Variants in FYN observed in about 807,000 individuals in gnomAD.
FYN encodes the protein FYN proto-oncogene, Src family tyrosine kinase.
Under a neutral mutation model 70.2 loss-of-function variants are expected in FYN, and 10 were observed. The observed-to-expected ratio is 0.14, with a 90% CI of 0.09 to 0.24. FYN has a LOEUF of 0.24. Ranked by LOEUF, FYN falls within the 10% of genes least tolerant of loss-of-function variation. The probability of loss-of-function intolerance (pLI) is 1.00; values close to 1 mark genes in which losing one functional copy is unlikely to be tolerated. For missense variants in FYN, 319 were observed against 673.1 expected (o/e 0.47, Z 5.82); for synonymous variants, 236 against 248.6 (o/e 0.95, Z 0.48).
At chr6:111,844,565 A>T (rs1773461876) in intron 2 of FYN, among the ~76,000 whole-genome samples, 1 of 152,266 alleles carries the variant, frequency 6.6e-6, no homozygotes, top group Non-Finnish European at 1.5e-5. Flanking sequence ...TTTTCAGGTC[A>T]TCAACTACTT....
chr6:111,718,742 A>C (rs1472912061), intron 4 of FYN, among the ~76,000 whole-genome samples: 1 of 152,196 alleles, frequency 6.6e-6, no homozygotes, highest in Non-Finnish European at 1.5e-5. Flanking sequence ...CACGTATTCA[A>C]CCCATGCAAG....
intron 3 of FYN, among the ~76,000 whole-genome samples, chr6:111,722,957 G>T (rs887019675): frequency 2.0e-5 from 3 of 152,192 alleles, no homozygotes; most frequent in African/African-American, 7.2e-5. Flanking sequence ...AGGCGAACAG[G>T]CATGTTAGGT....
chr6:111,802,908 C>T (rs1344785239), intron 2 of FYN, among the ~76,000 whole-genome samples: 1 of 152,104 alleles, frequency 6.6e-6, no homozygotes, highest in Admixed American at 6.6e-5. Flanking sequence ...CTTAAATAAA[C>T]TGGGAAAAAG....
intron 6 of FYN, 109 bp downstream of exon 6, chr6:111,707,813 T>TA: frequency 1.2e-6 from 1 of 828,268 alleles, no homozygotes; most frequent in South Asian, 1.5e-5. Context: ...AACTCAGCCT[T>TA]AATCACTGCT....
At position 111,661,613 on chromosome 6, in the gene FYN, C is replaced by CAG; in HGVS notation, c.*124_*125dup. ...GAGGGCCATGGAAGTTCGTCAGCTT[C>CAG]AGAGTCACATGCAATCTGATCCTGG... On this transcript the variant is annotated 3_prime_UTR_variant, in exon 14 of 14. Transcript: ENST00000354650. This position sits in a 1 kb window ranked among gnomAD's most constrained non-coding sequence, Gnocchi z 4.0. 1.2e-6 allele frequency: 1 copy of CAG among 866,620 alleles called. No individual in the cohort carries two copies. The highest frequency in any genetic ancestry group is 1.8e-6 in the Non-Finnish European group (1 of 551,270). The allele number at this position is 866,620 out of a possible 1,614,324, so 53.7% of individuals were successfully genotyped here. A position where few individuals can be genotyped will look rare whatever the true frequency, so the allele number is the denominator to read the frequency against.
chr6:111,796,438 CAT>C (rs979994183), intron 2 of FYN, among the ~76,000 whole-genome samples: 10 of 152,056 alleles, frequency 6.6e-5, no homozygotes, highest in African/African-American at 2.4e-4. Context: ...TGGGCTATAC[CAT>C]AGAGACTAGG....
intron 1 of FYN, among the ~76,000 whole-genome samples, chr6:111,864,098 C>CTAT (rs1774039383): frequency 6.6e-6 from 1 of 152,150 alleles, no homozygotes; most frequent in Non-Finnish European, 1.5e-5. Flanking sequence ...TCTTATTATG[C>CTAT]GATAAGACCT....
chr6:111,871,644 T>C (rs72944244), intron 1 of FYN, among the ~76,000 whole-genome samples: 14,187 of 152,254 alleles, frequency 0.093, 733 homozygotes, highest in Middle Eastern at 0.15. Flanking sequence ...GCCTCCCTCT[T>C]ATCAAATAAC....
chr6:111,672,204 C>A (rs374504421), intron 13 of FYN, among the ~76,000 whole-genome samples: 8 of 152,204 alleles, frequency 5.3e-5, no homozygotes, highest in African/African-American at 1.9e-4. Context: ...TGCCTTCCCA[C>A]GTGCCAGACC....
At chr6:111,769,225 A>T (rs1230532694) in intron 3 of FYN, among the ~76,000 whole-genome samples, 1 of 152,216 alleles carries the variant, frequency 6.6e-6, no homozygotes, top group African/African-American at 2.4e-5. Flanking sequence ...ATATCAAAAA[A>T]CATGATCTCC....
At chr6:111,852,525 T>C (rs1773712405) in intron 1 of FYN, among the ~76,000 whole-genome samples, 1 of 152,084 alleles carries the variant, frequency 6.6e-6, no homozygotes. Context: ...TTAAGAAGAG[T>C]ACATCCTTTA....
At chr6:111,710,345 T>C (rs899447851) in intron 5 of FYN, among the ~76,000 whole-genome samples, 1 of 152,244 alleles carries the variant, frequency 6.6e-6, no homozygotes, top group Admixed American at 6.5e-5. Flanking sequence ...CCCAGCCTTA[T>C]TCAGGTGATC....
chr6:111,699,911 A>ATTT (rs1799753109), intron 9 of FYN, 193 bp downstream of exon 9: 4 of 500,162 alleles, frequency 8.0e-6, no homozygotes, highest in Admixed American at 4.1e-5. Context: ...CCCACTTACT[A>ATTT]TCTTTTTTTT....
At chr6:111,765,871 C>A (rs1256655813) in intron 3 of FYN, among the ~76,000 whole-genome samples, 1 of 151,932 alleles carries the variant, frequency 6.6e-6, no homozygotes, top group Non-Finnish European at 1.5e-5. Context: ...GTGTTCAAAG[C>A]CCTCCAAGGG....
chr6:111,780,739 C>T (rs897081710), intron 2 of FYN, 104 bp from the exon 3 acceptor site: 5 of 152,252 alleles, frequency 3.3e-5, no homozygotes, highest in African/African-American at 9.6e-5. Flanking sequence ...TCCTCTGCTT[C>T]GGGCACCCAT....
At chr6:111,766,701 G>A (rs1336580393) in intron 3 of FYN, among the ~76,000 whole-genome samples, 1 of 152,130 alleles carries the variant, frequency 6.6e-6, no homozygotes, top group African/African-American at 2.4e-5. Flanking sequence ...CAAGCAAAGA[G>A]GGAAAAGCCC....
chr6:111,739,529 T>G (rs1221732656), intron 3 of FYN, among the ~76,000 whole-genome samples: 2 of 152,218 alleles, frequency 1.3e-5, no homozygotes, highest in Non-Finnish European at 2.9e-5. Context: ...GCCCCGCCGC[T>G]GGGCAGTTCA....
intron 2 of FYN, among the ~76,000 whole-genome samples, chr6:111,822,988 T>A (rs1264746380): frequency 6.6e-6 from 1 of 151,628 alleles, no homozygotes; most frequent in Non-Finnish European, 1.5e-5. Flanking sequence ...AAAAACGGGG[T>A]GTAAGGGGAT....
chr6:111,672,713 A>G (rs1021325984), intron 13 of FYN, among the ~76,000 whole-genome samples: 4 of 152,258 alleles, frequency 2.6e-5, no homozygotes, highest in African/African-American at 9.6e-5. Context: ...TGAGGCAGGT[A>G]CTAATCAAGG....
Sources: gnomAD v4.1 joint callset for allele counts (sites outside exome capture counted in the v4.1 genomes callset) on GRCh38, gnomAD v4.1.1 for gene constraint, Gnocchi (gnomAD v3.1) non-coding constraint, MANE v1.5 for transcripts, NCBI Gene and HGNC (gene_info 2026-07-23, HGNC 2026-07-21) for gene names.